The following SOBP variants were observed in gnomAD, a reference collection of about 807,000 sequenced individuals.
The protein encoded by SOBP is sine oculis binding protein homolog.
SOBP carries 4 observed loss-of-function variants against 53.6 expected under a neutral mutation model. The ratio of observed to expected loss-of-function variants is 0.07; its 90% CI spans 0.04 to 0.17. The LOEUF is 0.17. Ranked by LOEUF, SOBP falls within the 10% of genes least tolerant of loss-of-function variation. The pLI is 1.00. For missense variants in SOBP, 1,088 were observed against 1,204.7 expected (o/e 0.90, Z 1.43); for synonymous variants, 584 against 522.6 (o/e 1.12, Z -1.60).
chr6:107,553,043 C>G (rs1162334254), intron 4 of SOBP, among the ~76,000 whole-genome samples: 1 of 151,950 alleles, frequency 6.6e-6, no homozygotes, highest in African/African-American at 2.4e-5. Context: ...GAGAATAAAC[C>G]TGAGAACTTA....
chr6:107,558,869 C>T (rs1784696404), intron 4 of SOBP, among the ~76,000 whole-genome samples: 1 of 152,112 alleles, frequency 6.6e-6, no homozygotes, highest in African/African-American at 2.4e-5. Flanking sequence ...TTGCCATCTT[C>T]TCTAAATTCT....
chr6:107,542,568 C>A (rs1054293754), intron 4 of SOBP, among the ~76,000 whole-genome samples: 8 of 151,972 alleles, frequency 5.3e-5, no homozygotes, highest in African/African-American at 1.9e-4. Context: ...CATTCAGGAT[C>A]CCGTATGCAA....
intron 4 of SOBP, among the ~76,000 whole-genome samples, chr6:107,578,022 C>G (rs1006134490): frequency 3.4e-5 from 5 of 148,890 alleles, no homozygotes; most frequent in African/African-American, 5.0e-5. Flanking sequence ...TGCAGTGAGC[C>G]GAGATGGCGC....
intron 3 of SOBP, among the ~76,000 whole-genome samples, chr6:107,511,948 C>G (rs911816091): frequency 6.6e-6 from 1 of 151,922 alleles, no homozygotes; most frequent in Non-Finnish European, 1.5e-5. Context: ...TTTGCTTTCC[C>G]CCTCCCCCGC....
intron 2 of SOBP, 33 bp downstream of exon 2, chr6:107,503,828 A>G (rs1345124207): frequency 2.5e-6 from 4 of 1,611,858 alleles, no homozygotes; most frequent in Non-Finnish European, 3.4e-6. Flanking sequence ...TGTTCATGCA[A>G]AGAAGGATTA....
intron 4 of SOBP, among the ~76,000 whole-genome samples, chr6:107,582,234 G>A (rs1419701847): frequency 6.6e-6 from 1 of 152,198 alleles, no homozygotes; most frequent in Admixed American, 6.5e-5. Flanking sequence ...GAGGAAGAAT[G>A]CCTAGCTTGC....
At chr6:107,510,061 AG>A (rs1437420384) in intron 3 of SOBP, among the ~76,000 whole-genome samples, 1 of 152,204 alleles carries the variant, frequency 6.6e-6, no homozygotes, top group African/African-American at 2.4e-5. Context: ...CATACTATCT[AG>A]GGCAGGGGTC....
chr6:107,643,396 T>A (rs1035037815), intron 6 of SOBP, among the ~76,000 whole-genome samples: 19 of 152,108 alleles, frequency 1.2e-4, no homozygotes, highest in Admixed American at 6.5e-5. Context: ...CTTTAAATAT[T>A]TATAAGCTTT....
intron 4 of SOBP, among the ~76,000 whole-genome samples, chr6:107,577,080 A>G (rs1378524561): frequency 6.6e-6 from 1 of 152,204 alleles, no homozygotes; most frequent in Non-Finnish European, 1.5e-5. Flanking sequence ...AGAAGCAGTG[A>G]GAGATGTGCA....
intron 4 of SOBP, among the ~76,000 whole-genome samples, chr6:107,534,949 G>A (rs1001309795): frequency 6.6e-6 from 1 of 152,126 alleles, no homozygotes; most frequent in African/African-American, 2.4e-5. Flanking sequence ...TTTGAATGCC[G>A]AGCACTGGAG....
At chr6:107,526,271 A>G (rs1783660008) in intron 3 of SOBP, among the ~76,000 whole-genome samples, 1 of 152,056 alleles carries the variant, frequency 6.6e-6, no homozygotes. Flanking sequence ...TTATTGAGAA[A>G]CATTTGGGAG....
At chr6:107,614,875 TA>T (rs1343573419) in intron 5 of SOBP, among the ~76,000 whole-genome samples, 1 of 152,244 alleles carries the variant, frequency 6.6e-6, no homozygotes, top group East Asian at 1.9e-4. Context: ...AAAAAATCAC[TA>T]AGCATCATTG....
At position 107,635,023 on chromosome 6, in the gene SOBP, A is replaced by G. The variant is rs896890453; in HGVS notation, c.2179A>G (p.Thr727Ala). The G allele has an allele frequency of 6.6e-6, 8 of 1,219,014 alleles. No individual in the cohort carries two copies. The highest frequency in any genetic ancestry group is 1.6e-5 in the African/African-American group (1 of 61,890). 75.5% of individuals were successfully genotyped at this position (1,219,014 alleles called of 1,614,324 possible). ...AAACNVIVNG[T>A]RGAAAEGAKS... ...GGCCTGCAACGTCATCGTGAACGGC[A>G]CGCGCGGCGCCGCCGCCGAGGGCGC... Residue 727 changes from threonine to alanine, a missense_variant, in exon 6 of 7, where the codon ACG becomes GCG. Thr to Ala is a moderately conservative substitution (Grantham distance 58). This residue lies in a region of SOBP where 665 missense variants were observed against 629.7 expected (regional missense o/e 1.06). Coordinates refer to ENST00000317357, the MANE Select transcript of SOBP (RefSeq NM_018013.4). The surrounding 1 kb of genome is among the most constrained non-coding windows in gnomAD (Gnocchi z 4.5).
At position 107,590,094 on chromosome 6, in the gene SOBP, T is replaced by C. The variant is rs140839551; in HGVS notation, c.669+2919T>C. Among the ~76,000 whole-genome samples the C allele has an allele frequency of 1.6e-4, 25 of 152,316 alleles. No individual in the cohort carries two copies. In the East Asian group the frequency reaches 4.4e-3, roughly 27 times the overall value. On this transcript the variant is annotated intron_variant, in intron 5 of 6. Transcript: ENST00000317357. The stretch of plus-strand genomic sequence containing the variant: ...GGACTAGAAGGCTTCTCATTTCCTC[T>C]ATTCAAATGCTCGTATCTCTGGCTA...
At chr6:107,553,703 G>C (rs1288871623) in intron 4 of SOBP, among the ~76,000 whole-genome samples, 1 of 152,080 alleles carries the variant, frequency 6.6e-6, no homozygotes, top group Non-Finnish European at 1.5e-5. Flanking sequence ...GGCCAGGCTG[G>C]TCTTGAACTC....
intron 4 of SOBP, among the ~76,000 whole-genome samples, chr6:107,541,341 A>G (rs1583190737): frequency 6.6e-6 from 1 of 152,216 alleles, no homozygotes; most frequent in East Asian, 1.9e-4. Context: ...AATATGTTGA[A>G]ATGTATTTAA....
chr6:107,521,889 G>A (rs892643759), intron 3 of SOBP, among the ~76,000 whole-genome samples: 6 of 149,424 alleles, frequency 4.0e-5, no homozygotes, highest in African/African-American at 1.5e-4. Context: ...TCATAGTCTG[G>A]TGGAAGAGAC....
At chr6:107,654,116 A>C (rs1416968910) in intron 6 of SOBP, among the ~76,000 whole-genome samples, 1 of 152,224 alleles carries the variant, frequency 6.6e-6, no homozygotes, top group Admixed American at 6.5e-5. Flanking sequence ...CATGAAGAGA[A>C]ATATTTCATT....
At chr6:107,613,080 T>G (rs1374022480) in intron 5 of SOBP, among the ~76,000 whole-genome samples, 1 of 152,224 alleles carries the variant, frequency 6.6e-6, no homozygotes, top group Non-Finnish European at 1.5e-5. Flanking sequence ...AGTCTGTCTT[T>G]TAACAAGCTC....
Sources: gnomAD v4.1 joint callset for allele counts (sites outside exome capture counted in the v4.1 genomes callset) on GRCh38, gnomAD v4.1.1 for gene constraint, gnomAD v4.1.1 regional missense constraint, Gnocchi (gnomAD v3.1) non-coding constraint, MANE v1.5 for transcripts, NCBI Gene and HGNC (gene_info 2026-07-23, HGNC 2026-07-21) for gene names.